The following FMNL1 variants were observed in gnomAD, a reference collection of about 807,000 sequenced individuals.
FMNL1 encodes the protein formin-like protein 1.
Under a neutral mutation model 121.3 loss-of-function variants are expected in FMNL1, and 43 were observed. That is an observed-to-expected ratio of 0.35 (90% CI 0.28 to 0.46). FMNL1 has a LOEUF of 0.46. FMNL1 is among the 20% of genes least tolerant of loss of function. The pLI, the probability that FMNL1 is intolerant of heterozygous loss-of-function variation, is 1.00. For synonymous variants in FMNL1, 613 were observed against 613.5 expected (o/e 1.00, Z 0.01); for missense variants, 1,191 against 1,482.4 (o/e 0.80, Z 3.23).
chr17:45,229,924 C>A (rs73319096), intron 1 of FMNL1, among the ~76,000 whole-genome samples: 1 of 152,230 alleles, frequency 6.6e-6, no homozygotes, highest in South Asian at 2.1e-4. Context: ...AATCTCCCCG[C>A]CCCTGCAGCT....
intron 1 of FMNL1, among the ~76,000 whole-genome samples, chr17:45,225,529 C>A (rs2043312566): frequency 6.6e-6 from 1 of 152,214 alleles, no homozygotes; most frequent in Non-Finnish European, 1.5e-5. Context: ...AGGGCTGGCA[C>A]ATACTAACCC....
At position 45,242,444 on chromosome 17, in the gene FMNL1, CAAT is replaced by C. The variant is rs2043727878; in HGVS notation, c.1990_1992del (p.Asn664del). On this transcript the variant is annotated inframe_deletion, in exon 16 of 27. Transcript: ENST00000331495. ...TCACCGGCACTGTCTTCACAGAGCT[CAAT>C]GATGAGAAGGTGCTGCAGGTGAGTG... 6.2e-7 allele frequency: 1 copy of C among 1,613,938 alleles called. No homozygotes were observed.
Position 45,237,422 on chromosome 17 carries a change from C to T in FMNL1, c.800+65C>T. 1 of 1,609,986 alleles carries T rather than the reference C, an allele frequency of 6.2e-7. No individual in the cohort carries two copies. Among genetic ancestry groups the T allele is most frequent in the Non-Finnish European group, 8.5e-7 (1 of 1,176,260 alleles). ...CTTCTCCTACTTAGCCCCTTGCTTA[C>T]TCTGTCCTCCAGGTCTCAGAGGCTC... is the stretch of plus-strand genomic sequence containing the variant. On this transcript the variant is annotated intron_variant, in intron 8 of 26. Transcript: ENST00000331495. The surrounding 1 kb of genome is among the most constrained non-coding windows in gnomAD (Gnocchi z 4.4).
chr17:45,222,144 G>A lies in FMNL1; in HGVS notation c.20G>A (p.Ser7Asn). The stretch of plus-strand genomic sequence containing the variant: ...ACCACCATGGGCAACGCGGCCGGCA[G>A]CGCCGAGCAGCCCGCGGGCCCCGCC... MGNAAGSAEQPAGPAAP... is the reference protein window; with the variant it reads MGNAAGNAEQPAGPAAP... Residue 7 changes from serine to asparagine, a missense_variant, in exon 1 of 27, where the codon AGC becomes AAC. By Grantham distance (46) the Ser-to-Asn change is conservative (BLOSUM62 1). This residue lies in a region of FMNL1 where 52 missense variants were observed against 43.4 expected (regional missense o/e 1.20). Coordinates refer to ENST00000331495, the MANE Select transcript of FMNL1 (RefSeq NM_005892.4). 1.7e-6 allele frequency: 2 copies of A among 1,189,704 alleles called. No homozygotes were observed. The highest frequency in any genetic ancestry group is 1.0e-6 in the Non-Finnish European group (1 of 963,798). 73.7% of individuals were successfully genotyped at this position (1,189,704 alleles called of 1,614,324 possible). A position where few individuals can be genotyped will look rare whatever the true frequency, so the allele number is the denominator to read the frequency against.
intron 1 of FMNL1, among the ~76,000 whole-genome samples, chr17:45,228,661 C>A (rs1461260152): frequency 6.6e-6 from 1 of 152,224 alleles, no homozygotes; most frequent in Middle Eastern, 3.2e-3. Flanking sequence ...GGCCACCTGA[C>A]TGTTGGAGAT....
At position 45,231,079 on chromosome 17, in the gene FMNL1, A is replaced by G. The variant is rs1488476064; in HGVS notation, c.213+392A>G. On this transcript the variant is annotated intron_variant, in intron 2 of 26. Coordinates refer to ENST00000331495, the MANE Select transcript of FMNL1 (RefSeq NM_005892.4). This position sits in a 1 kb window ranked among gnomAD's most constrained non-coding sequence, Gnocchi z 4.7. The stretch of plus-strand genomic sequence containing the variant: ...CCTGACCCCATGGGAGGGAGGGAGG[A>G]AGGGGCGGGAATTCCTGCCCTTTTG... Among the ~76,000 whole-genome samples, 1 of 152,032 alleles carries G rather than the reference A, an allele frequency of 6.6e-6. No individual in the cohort carries two copies. The highest frequency in any genetic ancestry group is 6.5e-5 in the Admixed American group (1 of 15,268).
intron 2 of FMNL1, 49 bp downstream of exon 2, chr17:45,230,736 C>T (rs781747707): frequency 1.0e-5 from 16 of 1,585,024 alleles, no homozygotes; most frequent in African/African-American, 1.3e-5. Context: ...CTGTCAGTAC[C>T]CCACCCTGAC....
At chr17:45,236,383 G>A in intron 7 of FMNL1, 139 bp downstream of exon 7, 1 of 678,994 alleles carries the variant, frequency 1.5e-6, no homozygotes, top group Admixed American at 2.8e-5. Flanking sequence ...TGGGCTGTTG[G>A]CTCAGGCTTT....
chr17:45,224,381 C>T (rs1305026884), intron 1 of FMNL1, among the ~76,000 whole-genome samples: 1 of 152,198 alleles, frequency 6.6e-6, no homozygotes, highest in Non-Finnish European at 1.5e-5. Context: ...TGTGAACCCC[C>T]ACCCGAACCA....
intron 1 of FMNL1, among the ~76,000 whole-genome samples, chr17:45,227,210 T>C (rs764951979): frequency 1.3e-5 from 2 of 152,064 alleles, no homozygotes; most frequent in Admixed American, 6.6e-5. Context: ...TAGGGAGAGA[T>C]GGGCAGGTGG....
At position 45,230,634 on chromosome 17, in the gene FMNL1, C is replaced by T; in HGVS notation, c.160C>T (p.Gln54Ter). ...NCMNLPPDKV[Q>*]LLSQYDNEKK... The stretch of plus-strand genomic sequence containing the variant: ...CATGAACTTGCCCCCAGACAAGGTC[C>T]AGCTGCTGAGCCAGTATGACAACGA... Residue 54 changes from glutamine (Q) to a stop codon, truncating the protein, a stop_gained, in exon 2 of 27, where the codon CAG becomes TAG. Transcript: ENST00000331495. LOFTEE classifies it high-confidence loss of function. The T allele has an allele frequency of 6.2e-7, 1 of 1,613,882 alleles. No individual in the cohort carries two copies. Among genetic ancestry groups the T allele is most frequent in the Non-Finnish European group, 8.5e-7 (1 of 1,179,854 alleles).
chr17:45,241,396 A>G lies in FMNL1; in HGVS notation c.1347A>G (p.Glu449=). 1.3e-6 allele frequency: 2 copies of G among 1,567,352 alleles called. No homozygotes were observed. Among genetic ancestry groups the G allele is most frequent in the Non-Finnish European group, 1.7e-6 (2 of 1,156,812 alleles). The change falls in exon 14 of 27, where the codon GAA becomes GAG. Residue 449 remains glutamate (E), a synonymous_variant. Coordinates refer to ENST00000331495, the MANE Select transcript of FMNL1 (RefSeq NM_005892.4). This position sits in a 1 kb window ranked among gnomAD's most constrained non-coding sequence, Gnocchi z 7.0. The part of the protein sequence containing the change: ...ELETLRERFS[E]STAMGPSRRP... ...GGGGTTCGTAGGAGCGCTTCAGCGA[A>G]TCGACCGCCATGGGGCCCTCCAGGC...
chr17:45,223,792 C>T (rs899802211), intron 1 of FMNL1, among the ~76,000 whole-genome samples: 26 of 152,096 alleles, frequency 1.7e-4, no homozygotes, highest in Admixed American at 5.9e-4. Context: ...TCTATGGTCG[C>T]GGGTGTGGGC....
At chr17:45,236,458 C>T in intron 7 of FMNL1, 1 of 478,026 alleles carries the variant, frequency 2.1e-6, no homozygotes, top group Non-Finnish European at 3.7e-6. Context: ...CTCTGAGTAC[C>T]CCTGCCCATG....
intron 19 of FMNL1, 108 bp from the exon 20 acceptor site, chr17:45,244,711 G>T: frequency 8.8e-7 from 1 of 1,142,000 alleles, no homozygotes; most frequent in South Asian, 1.5e-5. Flanking sequence ...AGTAGGGGCT[G>T]AGTGTGTGGG....
Position 45,246,498 on chromosome 17 carries a change from C to G in FMNL1, c.3212-7C>G, listed in dbSNP as rs1389472211. On this transcript the variant is annotated splice_polypyrimidine_tract_variant and splice_region_variant and intron_variant, in intron 25 of 26. Coordinates refer to ENST00000331495, the MANE Select transcript of FMNL1 (RefSeq NM_005892.4). ...TACTCCCCTTCACCTGCCCCACCCC[C>G]ACTCAGTGATCAAGACGGTGCCCTT... is the stretch of plus-strand genomic sequence containing the variant. The G allele has an allele frequency of 1.2e-6, 2 of 1,614,068 alleles. No individual in the cohort carries two copies. The highest frequency in any genetic ancestry group is 2.7e-5 in the African/African-American group (2 of 74,930).
Position 45,241,922 on chromosome 17 carries a change from C to G in FMNL1, c.1661C>G (p.Pro554Arg), listed in dbSNP as rs1483477244. Residue 554 changes from proline to arginine, a missense_variant, in exon 15 of 27, where the codon CCG becomes CGG. Coordinates refer to ENST00000331495, the MANE Select transcript of FMNL1 (RefSeq NM_005892.4). The surrounding 1 kb of genome is among the most constrained non-coding windows in gnomAD (Gnocchi z 7.0). ...CCCCCACTGCCCGGCCTCCCCTCCC[C>G]GCAGGAAGCCCCGCCCTCTGCGCCC... ...PPPPLPGLPS[P>R]QEAPPSAPPQ... is the part of the protein sequence containing the mutation. 8.6e-6 allele frequency: 12 copies of G among 1,396,098 alleles called. No individual in the cohort carries two copies. Among genetic ancestry groups the G allele is most frequent in the African/African-American group, 7.7e-5 (5 of 65,180 alleles). The allele number at this position is 1,396,098 out of a possible 1,614,324, so 86.5% of individuals were successfully genotyped here. A position where few individuals can be genotyped will look rare whatever the true frequency, so the allele number is the denominator to read the frequency against.
chr17:45,245,193 A>AT, intron 21 of FMNL1, 60 bp from the exon 22 acceptor site: 1 of 1,612,858 alleles, frequency 6.2e-7, no homozygotes, highest in Non-Finnish European at 8.5e-7. Flanking sequence ...ACAGTATATA[A>AT]TTGGTGGGAG....
chr17:45,245,438 C>G, intron 22 of FMNL1, 22 bp downstream of exon 22: 1 of 1,613,924 alleles, frequency 6.2e-7, no homozygotes. Context: ...CTGGCCTCAC[C>G]TGGAGGTGGG....
Sources: gnomAD v4.1 joint callset for allele counts (sites outside exome capture counted in the v4.1 genomes callset) on GRCh38, gnomAD v4.1.1 for gene constraint, gnomAD v4.1.1 regional missense constraint, Gnocchi (gnomAD v3.1) non-coding constraint, MANE v1.5 for transcripts, NCBI Gene and HGNC (gene_info 2026-07-23, HGNC 2026-07-21) for gene names.